Variants in BRAF observed in about 807,000 individuals in gnomAD.
The protein encoded by BRAF is serine/threonine-protein kinase B-raf.
Under a neutral mutation model 104.6 loss-of-function variants are expected in BRAF, and 16 were observed. The observed-to-expected ratio is 0.15, with a 90% CI of 0.10 to 0.23. The LOEUF (loss-of-function observed/expected upper bound fraction) is 0.23, where lower values mean the gene tolerates loss of function less well. Ranked by LOEUF, BRAF falls within the 10% of genes least tolerant of loss-of-function variation. The probability of loss-of-function intolerance (pLI) is 1.00; values close to 1 mark genes in which losing one functional copy is unlikely to be tolerated. For synonymous variants in BRAF, 310 were observed against 341.6 expected, an observed-to-expected ratio of 0.91 and a Z score of 1.02; for missense variants, 541 against 937.3, an observed-to-expected ratio of 0.58 and a Z score of 5.52.
rs1802806489 is a variant in BRAF, at chr7:140,799,029, T to C, written c.980+1333A>G. The C allele has an allele frequency of 3.4e-5, 6 of 174,472 alleles. No individual in the cohort carries two copies. The Admixed American group carries it at 3.8e-4, about 11-fold the overall frequency. The allele number at this position is 174,472 out of a possible 1,614,324, so 10.8% of individuals were successfully genotyped here. A position where few individuals can be genotyped will look rare whatever the true frequency, so the allele number is the denominator to read the frequency against. ...CCCAGCTAATTTTTTTTTTTTTGTA[T>C]CTTTAGTAGAGACAGGGTTTCACCA... On this transcript the variant is annotated intron_variant, in intron 7 of 19. Transcript: ENST00000644969.
chr7:140,907,640 G>A (rs2129136262), intron 1 of BRAF, among the ~76,000 whole-genome samples: 1 of 151,926 alleles, frequency 6.6e-6, no homozygotes, highest in Non-Finnish European at 1.5e-5. Flanking sequence ...ATACATCACT[G>A]CAGCCTCAAA....
chr7:140,834,802 C>G lies in BRAF; in HGVS notation c.311G>C (p.Gly104Ala), dbSNP rs1807142925. Residue 104 changes from glycine to alanine, a missense_variant, in exon 3 of 20, where the codon GGG (glycine) becomes GCG (alanine). Gly to Ala is a moderately conservative substitution (Grantham distance 60, BLOSUM62 0). Coordinates refer to ENST00000644969, the MANE Select transcript of BRAF (RefSeq NM_001374258.1). Reference sequence around the variant, plus strand: ...AGAAACAGAAAAATCAGTTCCGTTCCCCAGAGATTCCAATAACTGTTGTTC... The same window carrying G: ...AGAAACAGAAAAATCAGTTCCGTTCGCCAGAGATTCCAATAACTGTTGTTC... ...QREQQLLESL[G>A]NGTDFSVSSS... 1 of 1,614,098 alleles carries G rather than the reference C, an allele frequency of 6.2e-7. No homozygotes were observed. Among genetic ancestry groups the G allele is most frequent in the South Asian group, 1.1e-5 (1 of 91,086 alleles).
intron 1 of BRAF, among the ~76,000 whole-genome samples, chr7:140,886,105 T>C (rs1338960710): frequency 6.6e-6 from 1 of 152,196 alleles, no homozygotes; most frequent in Admixed American, 6.5e-5. Context: ...CACCCTTTAT[T>C]AGATGGGCTT....
At chr7:140,744,616 T>C (rs534917667) in intron 17 of BRAF, among the ~76,000 whole-genome samples, 11 of 152,310 alleles carry the variant, frequency 7.2e-5, no homozygotes, top group African/African-American at 2.2e-4. Context: ...TCTTATAATT[T>C]AGATAAAATT....
At chr7:140,836,099 A>G (rs890032803) in intron 2 of BRAF, 2 of 152,200 alleles carry the variant, frequency 1.3e-5, no homozygotes, top group African/African-American at 4.8e-5. Context: ...ATTCTGTAAC[A>G]AAGAGTTTGT....
Position 140,722,044 on chromosome 7 carries a change from A to T in BRAF, c.*4450T>A. 9.0e-7 allele frequency: 1 copy of T among 1,114,300 alleles called. No individual in the cohort carries two copies. The highest frequency in any genetic ancestry group is 1.1e-6 in the Non-Finnish European group (1 of 912,708). The allele number at this position is 1,114,300 out of a possible 1,614,324, so 69.0% of individuals were successfully genotyped here. A position where few individuals can be genotyped will look rare whatever the true frequency, so the allele number is the denominator to read the frequency against. ...ACATGATTGCTGCCCATCATACAGT[A>T]CTTCAACCCTAAACTACAGCAATTT... On this transcript the variant is annotated 3_prime_UTR_variant, in exon 20 of 20. Transcript: ENST00000644969.
At chr7:140,765,705 A>T (rs1028846426) in intron 14 of BRAF, among the ~76,000 whole-genome samples, 5 of 152,336 alleles carry the variant, frequency 3.3e-5, no homozygotes, top group Admixed American at 3.3e-4. Context: ...AAAAATGCTC[A>T]TCATCACTGG....
chr7:140,742,047 A>C (rs182455259), intron 17 of BRAF, among the ~76,000 whole-genome samples: 38 of 152,266 alleles, frequency 2.5e-4, no homozygotes, highest in African/African-American at 9.1e-4. Context: ...TTCAATGTTT[A>C]AGTTAACTGT....
chr7:140,729,052 G>A (rs866373263), intron 19 of BRAF, among the ~76,000 whole-genome samples: 5 of 139,984 alleles, frequency 3.6e-5, no homozygotes, highest in Non-Finnish European at 7.6e-5. Flanking sequence ...ATAGTGAGAC[G>A]CTGTCTCTCC....
intron 19 of BRAF, chr7:140,732,495 T>C (rs1562929955): frequency 6.6e-6 from 1 of 152,206 alleles, no homozygotes; most frequent in Non-Finnish European, 1.5e-5. Context: ...GTCACATTTT[T>C]AATGTCCTTT....
At chr7:140,768,950 T>C (rs1324817003) in intron 14 of BRAF, among the ~76,000 whole-genome samples, 1 of 152,200 alleles carries the variant, frequency 6.6e-6, no homozygotes, top group Non-Finnish European at 1.5e-5. Context: ...CCAGCAGATG[T>C]TAGCACCAAT....
At chr7:140,716,030 A>G (rs936120955), downstream of BRAF, among the ~76,000 whole-genome samples, 1 of 152,224 alleles carries the variant, frequency 6.6e-6, no homozygotes, top group Non-Finnish European at 1.5e-5. Context: ...TAAGAATTTC[A>G]TATTACCTAG....
chr7:140,870,953 C>G (rs943122014), intron 1 of BRAF, among the ~76,000 whole-genome samples: 7 of 151,406 alleles, frequency 4.6e-5, no homozygotes, highest in Non-Finnish European at 7.4e-5. Flanking sequence ...TCTGGCTGGG[C>G]GCGGTGGCTC....
chr7:140,901,084 A>AT (rs1261339614), intron 1 of BRAF, among the ~76,000 whole-genome samples: 1 of 152,258 alleles, frequency 6.6e-6, no homozygotes. Context: ...TCCAACTGAC[A>AT]TAATATTAAA....
intron 1 of BRAF, among the ~76,000 whole-genome samples, chr7:140,866,505 C>A (rs1488225200): frequency 6.6e-6 from 1 of 152,246 alleles, no homozygotes; most frequent in South Asian, 2.1e-4. Flanking sequence ...AAGTATACTA[C>A]CTAGCATGAA....
Position 140,743,166 on chromosome 7 carries a change from G to A in BRAF, c.2113-3220C>T, listed in dbSNP as rs533427024. ...CAACCTTTGTGGAAGTCAGTGTGGC[G>A]ATTCCTCAGGGATCTAGAACTAGAA... On this transcript the variant is annotated intron_variant, in intron 17 of 19. Transcript: ENST00000644969. Among the ~76,000 whole-genome samples, 129 of 151,566 alleles carry A rather than the reference G, an allele frequency of 8.5e-4. 4 individuals carry two copies. The East Asian group carries it at 0.023, about 27-fold the overall frequency.
At chr7:140,827,314 A>G (rs1806165802) in intron 3 of BRAF, among the ~76,000 whole-genome samples, 1 of 152,144 alleles carries the variant, frequency 6.6e-6, no homozygotes, top group Non-Finnish European at 1.5e-5. Flanking sequence ...TGAGACCTAG[A>G]CGGGCTGAGG....
Position 140,794,410 on chromosome 7 carries a change from G to T in BRAF, c.1038C>A (p.Phe346Leu). Residue 346 changes from phenylalanine to leucine, a missense_variant, in exon 8 of 20, where the codon TTC (phenylalanine) becomes TTA (leucine). Physicochemically the swap from Phe to Leu is conservative, Grantham distance 22. Transcript: ENST00000644969. Reference sequence around the variant, plus strand: ...TTCGATGATCTTCATCTGCTGGTCGGAAGGGCTGTGGAATTGGAATGGATT... The same window carrying T: ...TTCGATGATCTTCATCTGCTGGTCGTAAGGGCTGTGGAATTGGAATGGATT... ...PSKSIPIPQPFRPADEDHRNQ... is the reference protein window; with the variant it reads ...PSKSIPIPQPLRPADEDHRNQ... 6.2e-7 allele frequency: 1 copy of T among 1,614,072 alleles called. No individual in the cohort carries two copies. Among genetic ancestry groups the T allele is most frequent in the Non-Finnish European group, 8.5e-7 (1 of 1,180,012 alleles).
chr7:140,879,999 T>G (rs1293811486), intron 1 of BRAF, among the ~76,000 whole-genome samples: 1 of 152,186 alleles, frequency 6.6e-6, no homozygotes, highest in African/African-American at 2.4e-5. Context: ...CCCAAAGTGC[T>G]GAGATTACAG....
Sources: allele counts gnomAD v4.1 joint callset (sites outside exome capture counted in the v4.1 genomes callset), GRCh38; gene constraint gnomAD v4.1.1; transcripts MANE v1.5; gene names NCBI Gene and HGNC (gene_info 2026-07-23, HGNC 2026-07-21).